Variants in HNRNPUL1 observed in about 807,000 individuals in gnomAD.
The protein encoded by HNRNPUL1 is heterogeneous nuclear ribonucleoprotein U like 1.
Under a neutral mutation model 108.5 loss-of-function variants are expected in HNRNPUL1, and 14 were observed. The ratio of observed to expected loss-of-function variants is 0.13; its 90% CI spans 0.09 to 0.20. The LOEUF (loss-of-function observed/expected upper bound fraction) is 0.20. Ranked by LOEUF, HNRNPUL1 falls within the 10% of genes least tolerant of loss-of-function variation. The pLI is 1.00. For missense variants in HNRNPUL1, 804 were observed against 1,168.3 expected (o/e 0.69, Z 4.55); for synonymous variants, 422 against 445.2 (o/e 0.95, Z 0.66).
chr19:41,274,390 G>T (rs889259602), intron 4 of HNRNPUL1, among the ~76,000 whole-genome samples: 1 of 152,144 alleles, frequency 6.6e-6, no homozygotes, highest in Non-Finnish European at 1.5e-5. Flanking sequence ...GTACACACAG[G>T]GGTTGTCATC....
chr19:41,281,178 C>T lies in HNRNPUL1; in HGVS notation c.902C>T (p.Ser301Phe), dbSNP rs1422320011. 6.2e-7 allele frequency: 1 copy of T among 1,613,848 alleles called. No individual in the cohort carries two copies. Among genetic ancestry groups the T allele is most frequent in the Non-Finnish European group, 8.5e-7 (1 of 1,179,720 alleles). The change falls in exon 7 of 15, where the codon TCC becomes TTC. Residue 301 changes from serine (S) to phenylalanine (F), a missense_variant. Ser to Phe is a radical substitution (Grantham distance 155, BLOSUM62 -2). Coordinates refer to ENST00000392006, the MANE Select transcript of HNRNPUL1 (RefSeq NM_007040.6). ...CTTCCGTCAGGCGAAGAGCCTTTCT[C>T]CTATGGCTATGGAGGCACTGGGAAG... ...CSTQLGEEPF[S>F]YGYGGTGKKS...
At position 41,306,716 on chromosome 19, in the gene HNRNPUL1, G is replaced by C. The variant is rs2123033265; in HGVS notation, c.*151G>C. On this transcript the variant is annotated 3_prime_UTR_variant, in exon 15 of 15. Transcript: ENST00000392006. ...CTCCAGCCCACTGCCTCCCCTCTGAGGGGCTTCCTTCCCCTCCATAGGGCC... is the reference window on the plus strand; with the variant it reads ...CTCCAGCCCACTGCCTCCCCTCTGACGGGCTTCCTTCCCCTCCATAGGGCC... 2.3e-6 allele frequency: 1 copy of C among 427,228 alleles called. No individual in the cohort carries two copies. Among genetic ancestry groups the C allele is most frequent in the Admixed American group, 4.3e-5 (1 of 23,262 alleles). 26.5% of individuals were successfully genotyped at this position (427,228 alleles called of 1,614,324 possible).
At chr19:41,271,116 G>A (rs1458201676) in intron 2 of HNRNPUL1, among the ~76,000 whole-genome samples, 1 of 152,196 alleles carries the variant, frequency 6.6e-6, no homozygotes, top group African/African-American at 2.4e-5. Flanking sequence ...TGGCCTCCCA[G>A]TGCCTTTTCT....
chr19:41,264,178 C>G (rs1210661328), upstream of HNRNPUL1, among the ~76,000 whole-genome samples: 1 of 152,252 alleles, frequency 6.6e-6, no homozygotes, highest in Admixed American at 6.5e-5. Flanking sequence ...GCCCTCCGCT[C>G]CGGCCTCGGC....
At chr19:41,273,952 T>G (rs773308379) in intron 3 of HNRNPUL1, 30 bp from the exon 4 acceptor site, 1 of 1,563,690 alleles carries the variant, frequency 6.4e-7, no homozygotes. Flanking sequence ...CCATTGTTCT[T>G]GTATGACTTA....
chr19:41,265,142 A>T, intron 1 of HNRNPUL1: 2 of 1,411,962 alleles, frequency 1.4e-6, no homozygotes, highest in Non-Finnish European at 1.8e-6. Flanking sequence ...TGGGTTGGGG[A>T]GGGTCTCGAA....
chr19:41,304,270 A>AT lies in HNRNPUL1; in HGVS notation c.2262+10dup. ...GCTACAGCCCTCCACAGGTGAGAGA[A>AT]TGAGTGTGTGTTTGTATGTAGTGAT... On this transcript the variant is annotated intron_variant, in intron 13 of 14. Coordinates refer to ENST00000392006, the MANE Select transcript of HNRNPUL1 (RefSeq NM_007040.6). 6.3e-7 allele frequency: 1 copy of AT among 1,595,322 alleles called. No individual in the cohort carries two copies. The highest frequency in any genetic ancestry group is 8.6e-7 in the Non-Finnish European group (1 of 1,168,984).
At chr19:41,284,550 G>A (rs2036095680) in intron 7 of HNRNPUL1, among the ~76,000 whole-genome samples, 1 of 152,082 alleles carries the variant, frequency 6.6e-6, no homozygotes, top group Non-Finnish European at 1.5e-5. Flanking sequence ...CACGCCTGTA[G>A]TCCCAGATAG....
chr19:41,279,327 G>T lies in HNRNPUL1; in HGVS notation c.886+151G>T, dbSNP rs1599790664. Reference sequence around the variant, plus strand: ...GTACAAGGATTAGGTATATGCCACTGTCTCTGTCATGCTGTATTCAACTGA... The same window carrying T: ...GTACAAGGATTAGGTATATGCCACTTTCTCTGTCATGCTGTATTCAACTGA... On this transcript the variant is annotated intron_variant, in intron 6 of 14. Coordinates refer to ENST00000392006, the MANE Select transcript of HNRNPUL1 (RefSeq NM_007040.6). 6.8e-6 allele frequency: 4 copies of T among 592,448 alleles called. No homozygotes were observed. In the South Asian group the frequency reaches 8.2e-5, roughly 12 times the overall value. The allele number at this position is 592,448 out of a possible 1,614,324, so 36.7% of individuals were successfully genotyped here. A position where few individuals can be genotyped will look rare whatever the true frequency, so the allele number is the denominator to read the frequency against.
chr19:41,283,844 C>G (rs571717976), intron 7 of HNRNPUL1, among the ~76,000 whole-genome samples: 1 of 152,172 alleles, frequency 6.6e-6, no homozygotes, highest in East Asian at 1.9e-4. Context: ...CTGCCCACCT[C>G]GGCCTGCGAA....
chr19:41,275,147 T>C (rs1278673374), intron 4 of HNRNPUL1, among the ~76,000 whole-genome samples: 1 of 152,160 alleles, frequency 6.6e-6, no homozygotes, highest in Non-Finnish European at 1.5e-5. Context: ...CATTGGTTCC[T>C]GGGTGGCAGG....
At chr19:41,277,934 C>T (rs975371700) in intron 5 of HNRNPUL1, among the ~76,000 whole-genome samples, 5 of 150,128 alleles carry the variant, frequency 3.3e-5, no homozygotes, top group Admixed American at 6.6e-5. Context: ...TCTTTTAATA[C>T]GAAATTAAGT....
intron 7 of HNRNPUL1, among the ~76,000 whole-genome samples, chr19:41,281,533 C>T (rs190166151): frequency 3.3e-5 from 5 of 152,142 alleles, no homozygotes; most frequent in East Asian, 3.9e-4. Context: ...AGCCTTCCTC[C>T]GTTCCTAGGT....
Position 41,294,758 on chromosome 19 carries a change from G to A in HNRNPUL1, c.1518+72G>A. On this transcript the variant is annotated intron_variant, in intron 10 of 14. Coordinates refer to ENST00000392006, the MANE Select transcript of HNRNPUL1 (RefSeq NM_007040.6). The surrounding 1 kb of genome is among the most constrained non-coding windows in gnomAD (Gnocchi z 4.3). Reference sequence around the variant, plus strand: ...CTTGCATGCCTGAGAATCTCCCTCTGGTCCCTTTCTTTTTTCCCCCGTAAT... The same window carrying A: ...CTTGCATGCCTGAGAATCTCCCTCTAGTCCCTTTCTTTTTTCCCCCGTAAT... 6.3e-7 allele frequency: 1 copy of A among 1,574,854 alleles called. No individual in the cohort carries two copies. The highest frequency in any genetic ancestry group is 8.7e-7 in the Non-Finnish European group (1 of 1,147,536).
intron 11 of HNRNPUL1, 101 bp from the exon 12 acceptor site, chr19:41,302,561 CCTT>C (rs1249082504): frequency 4.3e-6 from 6 of 1,409,812 alleles, no homozygotes; most frequent in African/African-American, 1.4e-5. Flanking sequence ...GTTTTCTTCA[CCTT>C]CTCCCTTCTG....
Position 41,264,799 on chromosome 19 carries a change from G to T in HNRNPUL1, c.295+1G>T. 7.4e-7 allele frequency: 1 copy of T among 1,353,852 alleles called. No individual in the cohort carries two copies. The highest frequency in any genetic ancestry group is 1.8e-5 in the South Asian group (1 of 55,664). The allele number at this position is 1,353,852 out of a possible 1,614,324, so 83.9% of individuals were successfully genotyped here. A position where few individuals can be genotyped will look rare whatever the true frequency, so the allele number is the denominator to read the frequency against. On this transcript the variant is annotated splice_donor_variant, in intron 1 of 14. Transcript: ENST00000392006. LOFTEE classifies it high-confidence loss of function. ...GGCTACTCGGGGCCGGACGGACATT[G>T]TGAGAGTGCGCGGGGCGGGGGCCGG...
At chr19:41,268,837 G>A (rs572413761) in intron 2 of HNRNPUL1, among the ~76,000 whole-genome samples, 9 of 151,926 alleles carry the variant, frequency 5.9e-5, no homozygotes, top group Non-Finnish European at 1.2e-4. Flanking sequence ...CACTCAGTCT[G>A]GGCAACAAGA....
intron 10 of HNRNPUL1, among the ~76,000 whole-genome samples, chr19:41,295,984 T>C (rs961874476): frequency 6.6e-6 from 1 of 152,242 alleles, no homozygotes; most frequent in Non-Finnish European, 1.5e-5. Context: ...TCACTTTACC[T>C]GATCCTCCTT....
intron 4 of HNRNPUL1, 92 bp downstream of exon 4, chr19:41,274,147 G>A (rs2035408265): frequency 7.8e-6 from 8 of 1,025,224 alleles, no homozygotes; most frequent in Admixed American, 3.5e-5. Flanking sequence ...GCTGGGCACC[G>A]TCCAAAGACA....
Sources: gnomAD v4.1 joint callset for allele counts (sites outside exome capture counted in the v4.1 genomes callset) on GRCh38, gnomAD v4.1.1 for gene constraint, Gnocchi (gnomAD v3.1) non-coding constraint, MANE v1.5 for transcripts, NCBI Gene and HGNC (gene_info 2026-07-23, HGNC 2026-07-21) for gene names.